Variants in BRSK2 observed in about 807,000 individuals in gnomAD.
BRSK2 encodes the protein serine/threonine-protein kinase BRSK2.
Under a neutral mutation model 83.3 loss-of-function variants are expected in BRSK2, and 19 were observed. The ratio of observed to expected loss-of-function variants is 0.23; its 90% CI spans 0.16 to 0.33. The LOEUF (loss-of-function observed/expected upper bound fraction) is 0.33, where lower values mean the gene tolerates loss of function less well. BRSK2 is among the 10% of genes least tolerant of loss of function. BRSK2 has a pLI of 1.00. For missense variants in BRSK2, 798 were observed against 1,042.3 expected, an observed-to-expected ratio of 0.77 and a Z score of 3.23; for synonymous variants, 519 against 435.4, an observed-to-expected ratio of 1.19 and a Z score of -2.39.
rs552691591 is a variant in BRSK2, at chr11:1,423,266, AC to A, written c.92-12772del. Among the ~76,000 whole-genome samples the A allele has an allele frequency of 5.8e-4, 89 of 152,220 alleles. No homozygotes were observed. The highest frequency in any genetic ancestry group is 1.7e-3 in the South Asian group (8 of 4,826). ...CCGTCCAGGCTTCAGAAACGGCAGA[AC>A]CAGGGACCCTCCCCACTGTCCTGTC... On this transcript the variant is annotated intron_variant, in intron 1 of 19. Transcript: ENST00000528841. This position sits in a 1 kb window ranked among gnomAD's most constrained non-coding sequence, Gnocchi z 6.5.
At position 1,462,031 on chromosome 11, in the gene BRSK2, G is replaced by A. The variant is rs888473488; in HGVS notation, c.*1308G>A. On this transcript the variant is annotated 3_prime_UTR_variant, in exon 20 of 20. Coordinates refer to ENST00000528841, the MANE Select transcript of BRSK2 (RefSeq NM_001256627.2). ...CCAAAGGTGAAGGGGTAGGAGGAGG[G>A]CCCTCAGCTGGCCCTCCCCACACAC... 4 of 152,152 alleles carry A rather than the reference G, an allele frequency of 2.6e-5. No homozygotes were observed. Among genetic ancestry groups the A allele is most frequent in the African/African-American group, 9.7e-5 (4 of 41,432 alleles). The allele number at this position is 152,152 out of a possible 1,614,324, so 9.4% of individuals were successfully genotyped here.
At chr11:1,426,283 G>A (rs1426877174) in intron 1 of BRSK2, among the ~76,000 whole-genome samples, 3 of 151,318 alleles carry the variant, frequency 2.0e-5, no homozygotes, top group South Asian at 2.2e-4. Context: ...TGTGTGGGGC[G>A]TGCTCTGGGG....
chr11:1,458,457 C>T (rs1846930732), intron 18 of BRSK2, among the ~76,000 whole-genome samples: 1 of 152,154 alleles, frequency 6.6e-6, no homozygotes, highest in African/African-American at 2.4e-5. Context: ...CTTCCCAGCC[C>T]TGCCCCCCTC....
chr11:1,393,953 A>G (rs868418006), intron 1 of BRSK2, among the ~76,000 whole-genome samples: 6 of 94,982 alleles, frequency 6.3e-5, no homozygotes, highest in Non-Finnish European at 9.1e-5. Flanking sequence ...GGTCCTGGAG[A>G]TGGGTCCTGG....
intron 12 of BRSK2, chr11:1,448,009 G>A: frequency 9.8e-6 from 8 of 819,218 alleles, no homozygotes; most frequent in East Asian, 8.0e-5. Flanking sequence ...AGCCAGGCAA[G>A]GGCCCGCGGG....
intron 1 of BRSK2, among the ~76,000 whole-genome samples, chr11:1,394,933 T>C (rs1435951090): frequency 8.9e-6 from 1 of 112,164 alleles, no homozygotes. Flanking sequence ...TGGAGATGGG[T>C]CCTGGAGATG....
intron 1 of BRSK2, among the ~76,000 whole-genome samples, chr11:1,404,374 C>T (rs538175501): frequency 1.7e-4 from 26 of 152,262 alleles, no homozygotes; most frequent in Middle Eastern, 3.4e-3. Context: ...GGGAGGAGGC[C>T]ATCGTCCCAG....
Position 1,456,359 on chromosome 11 carries a change from C to T in BRSK2, c.1680C>T (p.Leu560=), listed in dbSNP as rs1300040227. The change falls in exon 17 of 20, where the codon CTC becomes CTT. Residue 560 remains leucine (L), a synonymous_variant. Transcript: ENST00000528841. ...IVHAFLSIPS[L]SHSVISQTSF... ...CTCTCTCTCCACAGATTCCCAGTCTCAGCCACAGCGTCATCTCCCAAACGA... is the reference window on the plus strand; with the variant it reads ...CTCTCTCTCCACAGATTCCCAGTCTTAGCCACAGCGTCATCTCCCAAACGA... 1.9e-6 allele frequency: 3 copies of T among 1,567,380 alleles called. No homozygotes were observed. The highest frequency in any genetic ancestry group is 2.6e-6 in the Non-Finnish European group (3 of 1,156,920).
chr11:1,461,233 G>A lies in BRSK2; in HGVS notation c.*510G>A, dbSNP rs1404515244. 2 of 603,172 alleles carry A rather than the reference G, an allele frequency of 3.3e-6. No homozygotes were observed. Among genetic ancestry groups the A allele is most frequent in the South Asian group, 2.1e-5 (1 of 47,444 alleles). The allele number at this position is 603,172 out of a possible 1,614,324, so 37.4% of individuals were successfully genotyped here. ...ACCCCTCAGCAAGAACAGCCTGCCT[G>A]GTGGCCTTCTGGGGCCAGGACCCCT... On this transcript the variant is annotated 3_prime_UTR_variant, in exon 20 of 20. Transcript: ENST00000528841.
At chr11:1,439,979 G>A (rs1850972832) in intron 3 of BRSK2, among the ~76,000 whole-genome samples, 1 of 152,106 alleles carries the variant, frequency 6.6e-6, no homozygotes, top group African/African-American at 2.4e-5. Flanking sequence ...CCAGCTCCTG[G>A]GACAGCCAGT....
intron 16 of BRSK2, among the ~76,000 whole-genome samples, chr11:1,455,983 C>T (rs1419761963): frequency 6.6e-6 from 1 of 152,152 alleles, no homozygotes; most frequent in East Asian, 1.9e-4. Flanking sequence ...AGACCCCCCA[C>T]CTCCCACTCA....
At chr11:1,428,869 T>A (rs1232693337) in intron 1 of BRSK2, among the ~76,000 whole-genome samples, 1 of 150,348 alleles carries the variant, frequency 6.7e-6, no homozygotes, top group African/African-American at 2.5e-5. Context: ...TGTGTGTGCA[T>A]GGGTGTGTGC....
chr11:1,424,864 G>T (rs143261601), intron 1 of BRSK2, among the ~76,000 whole-genome samples: 1 of 152,302 alleles, frequency 6.6e-6, no homozygotes, highest in East Asian at 1.9e-4. Flanking sequence ...CCCCTGGCCT[G>T]CATGCTTCCC....
rs991069216 is a variant in BRSK2 at position 1,427,155 on chromosome 11, T to G, written c.92-8885T>G. Among the ~76,000 whole-genome samples, 7 of 152,138 alleles carry G rather than the reference T, an allele frequency of 4.6e-5. No homozygotes were observed. The East Asian group carries it at 1.4e-3, about 30-fold the overall frequency. ...TCTCCCCACAGCCCCACTGGCTTCCTGGGGGCAGGGCGCTGCCGGCAGAGC... is the reference window on the plus strand; with the variant it reads ...TCTCCCCACAGCCCCACTGGCTTCCGGGGGGCAGGGCGCTGCCGGCAGAGC... On this transcript the variant is annotated intron_variant, in intron 1 of 19. Coordinates refer to ENST00000528841, the MANE Select transcript of BRSK2 (RefSeq NM_001256627.2).
chr11:1,429,322 C>A (rs540276496), intron 1 of BRSK2, among the ~76,000 whole-genome samples: 2 of 100,692 alleles, frequency 2.0e-5, no homozygotes, highest in Admixed American at 9.9e-5. Flanking sequence ...TGTGCGTGTG[C>A]GCACAGGTGT....
chr11:1,403,258 G>T (rs1245631479), intron 1 of BRSK2, among the ~76,000 whole-genome samples: 1 of 152,184 alleles, frequency 6.6e-6, no homozygotes, highest in Non-Finnish European at 1.5e-5. Flanking sequence ...TGGAGGGAAC[G>T]TGGCAGTTGT....
At chr11:1,395,740 C>A (rs1426191678) in intron 1 of BRSK2, among the ~76,000 whole-genome samples, 1 of 152,224 alleles carries the variant, frequency 6.6e-6, no homozygotes, top group African/African-American at 2.4e-5. Context: ...GCCGTGCTGG[C>A]CCTGCTCTGC....
At position 1,461,462 on chromosome 11, in the gene BRSK2, T is replaced by G; in HGVS notation, c.*739T>G. 4.7e-6 allele frequency: 1 copy of G among 213,728 alleles called. No individual in the cohort carries two copies. Among genetic ancestry groups the G allele is most frequent in the Non-Finnish European group, 9.2e-6 (1 of 108,110 alleles). 13.2% of individuals were successfully genotyped at this position (213,728 alleles called of 1,614,324 possible). On this transcript the variant is annotated 3_prime_UTR_variant, in exon 20 of 20. Coordinates refer to ENST00000528841, the MANE Select transcript of BRSK2 (RefSeq NM_001256627.2). Reference sequence around the variant, plus strand: ...GGCTGTGGGCTCTGGCGCTCCTCTCTGGCTGAGGTGGAAACAGAGACACCC... The same window carrying G: ...GGCTGTGGGCTCTGGCGCTCCTCTCGGGCTGAGGTGGAAACAGAGACACCC...
chr11:1,460,991 A>C lies in BRSK2; in HGVS notation c.*268A>C, dbSNP rs1847433949. On this transcript the variant is annotated 3_prime_UTR_variant, in exon 20 of 20. Coordinates refer to ENST00000528841, the MANE Select transcript of BRSK2 (RefSeq NM_001256627.2). ...CCAGGAATTATCCCGAAAAGTTAAC[A>C]TGTCACCTCCACGAGGCCATCCTCT... The C allele has an allele frequency of 1.2e-6, 2 of 1,612,174 alleles. No individual in the cohort carries two copies. The highest frequency in any genetic ancestry group is 2.2e-5 in the East Asian group (1 of 44,816).
Sources: allele counts gnomAD v4.1 joint callset (sites outside exome capture counted in the v4.1 genomes callset), GRCh38; gene constraint gnomAD v4.1.1; non-coding constraint Gnocchi (gnomAD v3.1); transcripts MANE v1.5; gene names NCBI Gene and HGNC (gene_info 2026-07-23, HGNC 2026-07-21).